STAG2: variants seen among roughly 807,000 people sequenced by gnomAD.
STAG2 encodes the protein cohesin subunit SA-2.
A neutral mutation model predicts 108.1 loss-of-function variants in STAG2; 14 were observed. That is an observed-to-expected ratio of 0.13 (90% confidence interval 0.09 to 0.20). STAG2 has a LOEUF of 0.20. Among genes scored for constraint, STAG2 ranks in the 10% least tolerant of loss-of-function variants. The pLI, the probability that STAG2 is intolerant of heterozygous loss-of-function variation, is 1.00. For synonymous variants in STAG2, 307 were observed against 302.7 expected (o/e 1.01, Z -0.15); for missense variants, 440 against 940.9 (o/e 0.47, Z 6.96).
chrX:123,962,635 A>C (rs2053922039), intron 1 of STAG2, among the ~76,000 whole-genome samples: 1 of 111,080 alleles, frequency 9.0e-6, no homozygotes, highest in African/African-American at 3.3e-5. Context: ...TCTTGGATGT[A>C]GTTTTTAAAT....
At chrX:124,031,899 T>G (rs2057357985) in intron 5 of STAG2, among the ~76,000 whole-genome samples, 1 of 107,861 alleles carries the variant, frequency 9.3e-6, no homozygotes, top group South Asian at 4.1e-4. Flanking sequence ...GCTGGCTAAT[T>G]TTTGGTTTTT....
At chrX:124,026,153 A>AATG (rs2057094352) in intron 4 of STAG2, among the ~76,000 whole-genome samples, 1 of 105,588 alleles carries the variant, frequency 9.5e-6, no homozygotes, top group Non-Finnish European at 1.9e-5. Flanking sequence ...TAATAATAAT[A>AATG]ATAATAATAA....
At chrX:124,007,105 ATCTCTC>A (rs763980138) in intron 1 of STAG2, among the ~76,000 whole-genome samples, 5 of 102,728 alleles carry the variant, frequency 4.9e-5, no homozygotes, top group African/African-American at 1.8e-4. Flanking sequence ...GGCTCAAGCG[ATCTCTC>A]TCTCTCTCTC....
chrX:123,974,618 G>A (rs1444137293), intron 1 of STAG2, among the ~76,000 whole-genome samples: 11 of 95,836 alleles, frequency 1.1e-4, no homozygotes, highest in African/African-American at 2.8e-4. Flanking sequence ...TCGCTCTGTC[G>A]CCCAGACTGG....
intron 29 of STAG2, among the ~76,000 whole-genome samples, chrX:124,085,665 C>T (rs1026078850): frequency 9.3e-6 from 1 of 107,060 alleles, no homozygotes; most frequent in South Asian, 4.2e-4. Flanking sequence ...ATCCCAGCTA[C>T]TCAGGAGGCC....
At chrX:124,056,499 C>T (rs2058198827) in intron 14 of STAG2, among the ~76,000 whole-genome samples, 1 of 109,083 alleles carries the variant, frequency 9.2e-6, no homozygotes, top group South Asian at 3.9e-4. Flanking sequence ...TTTGGGAGGC[C>T]GAGGCGGGTG....
intron 15 of STAG2, among the ~76,000 whole-genome samples, chrX:124,058,918 A>G (rs776443024): frequency 1.3e-4 from 15 of 111,964 alleles, no homozygotes; most frequent in South Asian, 3.7e-4. Flanking sequence ...GATTTTCTAC[A>G]TTACACCATC....
chrX:124,095,703 G>A (rs1187111949), intron 34 of STAG2, among the ~76,000 whole-genome samples: 1 of 111,157 alleles, frequency 9.0e-6, no homozygotes, highest in African/African-American at 3.3e-5. Flanking sequence ...GTTCTTCCAG[G>A]TTTGTACTGT....
chrX:124,001,562 G>T (rs1232279124), intron 1 of STAG2, among the ~76,000 whole-genome samples: 1 of 111,065 alleles, frequency 9.0e-6, no homozygotes, highest in Non-Finnish European at 1.9e-5. Context: ...CCCTATACAG[G>T]TATACCATTT....
At chrX:124,007,153 CT>C (rs1181359011) in intron 1 of STAG2, among the ~76,000 whole-genome samples, 1 of 104,374 alleles carries the variant, frequency 9.6e-6, no homozygotes, top group African/African-American at 3.5e-5. Context: ...CCCTTTCCCC[CT>C]CTCCCTTCCC....
At position 124,039,223 on chromosome X, in the gene STAG2, A is replaced by C. The variant is rs943348850; in HGVS notation, c.385+1600A>C. 5.5e-5 allele frequency among the ~76,000 whole-genome samples: 6 copies of C among 108,206 alleles called. No homozygotes were observed. The East Asian group carries it at 1.7e-3, about 31-fold the overall frequency. 94.0% of individuals were successfully genotyped at this position (108,206 alleles called of 115,157 possible). On this transcript the variant is annotated intron_variant, in intron 6 of 34. Coordinates refer to ENST00000371145, the MANE Select transcript of STAG2 (RefSeq NM_001042750.2). ...CAGGCTGGAGTGTAGTGTCGTGATC[A>C]TGGCTCACTGCGGCCTTGACCTCCT...
At chrX:124,080,244 G>A (rs1011934069) in intron 27 of STAG2, among the ~76,000 whole-genome samples, 4 of 110,810 alleles carry the variant, frequency 3.6e-5, no homozygotes, top group African/African-American at 1.3e-4. Context: ...CTACTGAAAC[G>A]TTGTTCCCTT....
In STAG2 at chrX:124,009,559, C is replaced by T. The variant is rs1247094737; in HGVS notation, c.-162-11808C>T. On this transcript the variant is annotated intron_variant, in intron 1 of 34. Coordinates refer to ENST00000371145, the MANE Select transcript of STAG2 (RefSeq NM_001042750.2). ...CAAGTGTTGCATTTTAGGGTAATTC[C>T]TAAATCTTAGTATCATCACATGAGG... is the stretch of plus-strand genomic sequence containing the variant. Among the ~76,000 whole-genome samples, 4 of 110,503 alleles carry T rather than the reference C, an allele frequency of 3.6e-5. No homozygotes were observed. In the East Asian group the frequency reaches 1.1e-3, roughly 31 times the overall value.
Position 124,077,958 on chromosome X carries a change from AT to A in STAG2, c.2677del (p.Tyr893IlefsTer12). The A allele has an allele frequency of 8.9e-7, 1 of 1,126,046 alleles. No individual in the cohort carries two copies. The highest frequency in any genetic ancestry group is 1.2e-6 in the Non-Finnish European group (1 of 837,831). 92.8% of individuals were successfully genotyped at this position (1,126,046 alleles called of 1,213,427 possible). ...TAATTTGTACAAATTTCTTTATAGTATTATAATGACTATGGAGATATCATCA... is the reference window on the plus strand; with the variant it reads ...TAATTTGTACAAATTTCTTTATAGTATATAATGACTATGGAGATATCATCA... ...AADIFKQYMK[Y>X]YNDYGDIIKE... On this transcript the variant is annotated frameshift_variant and splice_region_variant, in exon 27 of 35. Transcript: ENST00000371145. LOFTEE classifies it high-confidence loss of function.
chrX:123,972,866 C>CA (rs747333406), intron 1 of STAG2, among the ~76,000 whole-genome samples: 1,133 of 21,935 alleles, frequency 0.052, 43 homozygotes, highest in Admixed American at 0.07. Context: ...ACCAAAAATA[C>CA]AAAAAAAAAA....
At chrX:124,032,756 A>G in intron 5 of STAG2, among the ~76,000 whole-genome samples, 1 of 112,418 alleles carries the variant, frequency 8.9e-6, no homozygotes, top group Middle Eastern at 4.6e-3. Context: ...TTGCTGTGAA[A>G]GACACAATTG....
At chrX:124,041,840 T>C (rs7879997) in intron 6 of STAG2, among the ~76,000 whole-genome samples, 1,226 of 111,772 alleles carry the variant, frequency 0.011, 17 homozygotes, top group African/African-American at 0.038. Context: ...TAAAGGTCCT[T>C]ATCAAATTGT....
chrX:124,085,486 A>C (rs995792335), intron 29 of STAG2, among the ~76,000 whole-genome samples: 3 of 111,198 alleles, frequency 2.7e-5, no homozygotes, highest in Non-Finnish European at 5.7e-5. Context: ...AGTGTATTGT[A>C]ATACAGAAAG....
intron 1 of STAG2, among the ~76,000 whole-genome samples, chrX:123,968,698 G>A (rs971325370): frequency 1.8e-5 from 2 of 111,949 alleles, no homozygotes; most frequent in Admixed American, 1.9e-4. Context: ...TCGTTCAAGG[G>A]GGGTGAAAAA....
Sources: allele counts gnomAD v4.1 joint callset (sites outside exome capture counted in the v4.1 genomes callset), GRCh38; gene constraint gnomAD v4.1.1; transcripts MANE v1.5; gene names NCBI Gene and HGNC (gene_info 2026-07-23, HGNC 2026-07-21).